The following TULP4 variants were observed in gnomAD, a reference collection of about 807,000 sequenced individuals.
TULP4 encodes the protein TUB like protein 4.
Under a neutral mutation model 129.0 loss-of-function variants are expected in TULP4, and 16 were observed. That is an observed-to-expected ratio of 0.12 (90% CI 0.08 to 0.19). The LOEUF (loss-of-function observed/expected upper bound fraction) is 0.19, where lower values mean the gene tolerates loss of function less well. Ranked by LOEUF, TULP4 falls within the 10% of genes least tolerant of loss-of-function variation. TULP4 has a pLI of 1.00. For missense variants in TULP4, 1,842 were observed against 2,059.1 expected, an observed-to-expected ratio of 0.89 and a Z score of 2.04; for synonymous variants, 998 against 854.0, an observed-to-expected ratio of 1.17 and a Z score of -2.94.
intron 1 of TULP4, among the ~76,000 whole-genome samples, chr6:158,391,371 G>T (rs1035845566): frequency 6.6e-6 from 1 of 152,200 alleles, no homozygotes; most frequent in Non-Finnish European, 1.5e-5. Context: ...AATTGTATGT[G>T]TAGAGTGCAT....
chr6:158,359,656 G>A (rs547340918), intron 1 of TULP4, among the ~76,000 whole-genome samples: 9 of 152,178 alleles, frequency 5.9e-5, no homozygotes, highest in African/African-American at 1.7e-4. Context: ...CTGCCTCTCC[G>A]AGTCCACTGA....
At chr6:158,480,525 G>A (rs1779917137) in intron 7 of TULP4, among the ~76,000 whole-genome samples, 1 of 152,228 alleles carries the variant, frequency 6.6e-6, no homozygotes, top group Non-Finnish European at 1.5e-5. Context: ...ACTCTAGAAG[G>A]TAGCATGTAG....
At chr6:158,265,363 T>C (rs1192616487) in intron 1 of TULP4, among the ~76,000 whole-genome samples, 1 of 152,046 alleles carries the variant, frequency 6.6e-6, no homozygotes, top group Non-Finnish European at 1.5e-5. Flanking sequence ...CACAAAACAT[T>C]TGAGGTGGCT....
chr6:158,483,796 G>A (rs369093628), intron 8 of TULP4, among the ~76,000 whole-genome samples: 1 of 152,094 alleles, frequency 6.6e-6, no homozygotes, highest in Admixed American at 6.5e-5. Flanking sequence ...ACAAACATGC[G>A]ACTTAATGGG....
At chr6:158,432,572 G>A (rs1778655682) in intron 3 of TULP4, among the ~76,000 whole-genome samples, 2 of 152,168 alleles carry the variant, frequency 1.3e-5, no homozygotes, top group African/African-American at 2.4e-5. Flanking sequence ...AAAAATATAA[G>A]CAGTGCATGG....
intron 1 of TULP4, among the ~76,000 whole-genome samples, chr6:158,381,901 C>T (rs1459322836): frequency 6.6e-6 from 1 of 152,256 alleles, no homozygotes; most frequent in African/African-American, 2.4e-5. Context: ...GTGTGCAATG[C>T]AGTTGTTATT....
intron 1 of TULP4, among the ~76,000 whole-genome samples, chr6:158,392,177 A>AAG (rs1185672329): frequency 1.3e-5 from 2 of 152,182 alleles, no homozygotes; most frequent in Non-Finnish European, 2.9e-5. Context: ...GCAGCAAGCA[A>AAG]AGAGAGAGAG....
intron 1 of TULP4, among the ~76,000 whole-genome samples, chr6:158,239,034 G>C (rs1383307463): frequency 2.2e-5 from 3 of 136,918 alleles, no homozygotes; most frequent in Admixed American, 7.3e-5. Context: ...CCTCCCGGAC[G>C]AGGCGGCTGG....
chr6:158,465,219 T>C (rs1189898661), intron 6 of TULP4, among the ~76,000 whole-genome samples: 1 of 152,132 alleles, frequency 6.6e-6, no homozygotes, highest in Non-Finnish European at 1.5e-5. Flanking sequence ...ATTCCGTAGG[T>C]TGGGTGGCTT....
intron 3 of TULP4, among the ~76,000 whole-genome samples, chr6:158,430,786 G>A (rs759994772): frequency 6.6e-6 from 1 of 152,190 alleles, no homozygotes; most frequent in Non-Finnish European, 1.5e-5. Context: ...GGATTGACTA[G>A]TTAAAATCTT....
intron 1 of TULP4, among the ~76,000 whole-genome samples, chr6:158,266,583 G>A (rs1255218844): frequency 6.6e-6 from 1 of 152,128 alleles, no homozygotes; most frequent in African/African-American, 2.4e-5. Context: ...CCATTTTAAA[G>A]TATATAGTTG....
intron 1 of TULP4, among the ~76,000 whole-genome samples, chr6:158,324,481 G>A (rs925042933): frequency 1.2e-4 from 19 of 152,114 alleles, no homozygotes; most frequent in African/African-American, 3.1e-4. Context: ...TGTTCATTTC[G>A]GTTCCGTAAA....
intron 1 of TULP4, among the ~76,000 whole-genome samples, chr6:158,390,344 C>A (rs544958546): frequency 6.7e-6 from 1 of 150,360 alleles, no homozygotes; most frequent in African/African-American, 2.5e-5. Flanking sequence ...TAATTGTATG[C>A]GAACTACTTT....
intron 1 of TULP4, among the ~76,000 whole-genome samples, chr6:158,276,417 G>A (rs774207233): frequency 1.7e-4 from 26 of 148,996 alleles, no homozygotes; most frequent in African/African-American, 1.7e-4. Flanking sequence ...TCATCCTCCC[G>A]TCTCAGTCTC....
chr6:158,489,621 T>C lies in TULP4; in HGVS notation c.1520T>C (p.Val507Ala), dbSNP rs141271573. 1.2e-4 allele frequency: 191 copies of C among 1,614,084 alleles called. No individual in the cohort carries two copies. The highest frequency in any genetic ancestry group is 1.6e-4 in the Middle Eastern group (1 of 6,078). The change falls in exon 9 of 14, where the codon GTG (valine) becomes GCG (alanine). Residue 507 changes from valine (V) to alanine (A), a missense_variant. By Grantham distance (64) the Val-to-Ala change is moderately conservative. Around this residue, in one of 5 missense-constraint regions of TULP4, gnomAD observed 456 missense variants for 534.3 expected, o/e 0.85. Coordinates refer to ENST00000367097, the MANE Select transcript of TULP4 (RefSeq NM_020245.5). ...EIYGNSLIST[V>A]IDSCNCSDSS... Reference sequence around the variant, plus strand: ...TATGGGAACAGCTTGATTTCTACTGTGATCGACAGCTGCAACTGCTCAGAC... The same window carrying C: ...TATGGGAACAGCTTGATTTCTACTGCGATCGACAGCTGCAACTGCTCAGAC...
At chr6:158,343,884 A>T (rs1780243220) in intron 1 of TULP4, among the ~76,000 whole-genome samples, 1 of 152,242 alleles carries the variant, frequency 6.6e-6, no homozygotes, top group African/African-American at 2.4e-5. Flanking sequence ...GTACATGTGG[A>T]TGTCAGGCCC....
chr6:158,395,671 G>A (rs1362714170), intron 1 of TULP4, among the ~76,000 whole-genome samples: 1 of 129,862 alleles, frequency 7.7e-6, no homozygotes, highest in Non-Finnish European at 1.6e-5. Flanking sequence ...TGATGGGCGG[G>A]GGGGGGGTCA....
rs1780661163 is a variant in TULP4, at chr6:158,508,772, GGTGA to G, written c.*2081_*2084del. ...AGGAATTATTTTGTTGTTACGTTTTGGTGAGTTATACCCATTTTATTTATTTAGA... is the reference window on the plus strand; with the variant it reads ...AGGAATTATTTTGTTGTTACGTTTTGGTTATACCCATTTTATTTATTTAGA... On this transcript the variant is annotated 3_prime_UTR_variant, in exon 14 of 14. Coordinates refer to ENST00000367097, the MANE Select transcript of TULP4 (RefSeq NM_020245.5). 1 of 151,264 alleles carries G rather than the reference GGTGA, an allele frequency of 6.6e-6. No individual in the cohort carries two copies. The highest frequency in any genetic ancestry group is 2.0e-4 in the East Asian group (1 of 5,124). 9.4% of individuals were successfully genotyped at this position (151,264 alleles called of 1,614,324 possible).
intron 1 of TULP4, among the ~76,000 whole-genome samples, chr6:158,412,168 C>CATA (rs756755811): frequency 3.2e-4 from 49 of 152,314 alleles, no homozygotes; most frequent in South Asian, 1.5e-3. Context: ...GTATTAGTCA[C>CATA]ATAGCATGAA....
Sources: allele counts gnomAD v4.1 joint callset (sites outside exome capture counted in the v4.1 genomes callset), GRCh38; gene constraint gnomAD v4.1.1; regional missense constraint gnomAD v4.1.1; transcripts MANE v1.5; gene names NCBI Gene and HGNC (gene_info 2026-07-23, HGNC 2026-07-21).